Variants in NUP107 observed in about 807,000 individuals in gnomAD.
NUP107 encodes the protein nuclear pore complex protein Nup107.
Under a neutral mutation model 141.0 loss-of-function variants are expected in NUP107, and 101 were observed. The ratio of observed to expected loss-of-function variants is 0.72; its 90% CI spans 0.61 to 0.84. The LOEUF is 0.84. Ranked by LOEUF, NUP107 falls within the 40% of genes least tolerant of loss-of-function variation. The probability of loss-of-function intolerance (pLI) is 0.00; values close to 1 mark genes in which losing one functional copy is unlikely to be tolerated. For synonymous variants in NUP107, 319 were observed against 363.9 expected (o/e 0.88, Z 1.41); for missense variants, 941 against 1,102.7 (o/e 0.85, Z 2.08).
chr12:68,734,776 A>G lies in NUP107; in HGVS notation c.2331A>G (p.Ile777Met). Residue 777 changes from isoleucine (I) to methionine (M), a missense_variant, in exon 25 of 28, where the codon ATA becomes ATG. Ile to Met is a conservative substitution (Grantham distance 10). Transcript: ENST00000229179. ...MNSVPQKPAL[I>M]PQPTFTEKVA... The stretch of plus-strand genomic sequence containing the variant: ...CAGTTCCACAAAAACCTGCTTTGAT[A>G]CCTCAACCAACTTTTACTGAGAAAG... The G allele has an allele frequency of 6.2e-7, 1 of 1,613,670 alleles. No homozygotes were observed. Among genetic ancestry groups the G allele is most frequent in the Non-Finnish European group, 8.5e-7 (1 of 1,179,744 alleles).
rs1161649329 is a variant in NUP107, at chr12:68,721,892, G to T, written c.1363G>T (p.Val455Leu). The change falls in exon 16 of 28, where the codon GTG becomes TTG. Residue 455 changes from valine to leucine, a missense_variant. Val to Leu is a conservative substitution (Grantham distance 32, BLOSUM62 1). Transcript: ENST00000229179. ...AGACACAGTTTGGGCCTACTTCCGG[G>T]TGATGGTGGACAGTCTGGTAGAACA... ...WEDTVWAYFRVMVDSLVEQEI... is the reference protein window; with the variant it reads ...WEDTVWAYFRLMVDSLVEQEI... 1 of 1,614,100 alleles carries T rather than the reference G, an allele frequency of 6.2e-7. No homozygotes were observed. Among genetic ancestry groups the T allele is most frequent in the African/African-American group, 1.3e-5 (1 of 75,038 alleles).
At chr12:68,726,833 T>C (rs1592516378) in intron 19 of NUP107, among the ~76,000 whole-genome samples, 1 of 152,266 alleles carries the variant, frequency 6.6e-6, no homozygotes, top group East Asian at 1.9e-4. Context: ...GGTTAACTGG[T>C]TTTTAATAAA....
chr12:68,728,447 G>A (rs533623887), intron 20 of NUP107, among the ~76,000 whole-genome samples: 8 of 120,460 alleles, frequency 6.6e-5, no homozygotes, highest in African/African-American at 9.6e-5. Context: ...TTTTTGAGAC[G>A]GAGTCTTGCG....
intron 10 of NUP107, among the ~76,000 whole-genome samples, chr12:68,712,991 A>AATAG (rs1592506248): frequency 6.6e-6 from 1 of 152,182 alleles, no homozygotes; most frequent in East Asian, 1.9e-4. Context: ...GTAACTTGAG[A>AATAG]ATAGATAGAT....
At chr12:68,709,548 G>A (rs1367703597) in intron 9 of NUP107, among the ~76,000 whole-genome samples, 1 of 151,904 alleles carries the variant, frequency 6.6e-6, no homozygotes, top group Non-Finnish European at 1.5e-5. Context: ...TTATTCTTTT[G>A]CCATAATATT....
At chr12:68,733,669 A>G in intron 24 of NUP107, 57 bp downstream of exon 24, 1 of 1,542,084 alleles carries the variant, frequency 6.5e-7, no homozygotes, top group East Asian at 2.3e-5. Flanking sequence ...TTTCGGATTC[A>G]CTCTCAGAGT....
chr12:68,739,531 T>A (rs1417781389), intron 26 of NUP107, among the ~76,000 whole-genome samples: 1 of 152,112 alleles, frequency 6.6e-6, no homozygotes, highest in African/African-American at 2.4e-5. Flanking sequence ...GGTAATGAGT[T>A]TTTCTCACAT....
rs546991412 is a variant in NUP107 at position 68,721,188 on chromosome 12, T to C, written c.1311+11T>C. ...GGGAATCTTAAGCAGGTATGCAATC[T>C]GTTTTAATGTTTAAATTTTTTCTGT... On this transcript the variant is annotated intron_variant, in intron 15 of 27. Coordinates refer to ENST00000229179, the MANE Select transcript of NUP107 (RefSeq NM_020401.4). 1.2e-5 allele frequency: 19 copies of C among 1,575,706 alleles called. No individual in the cohort carries two copies. Among genetic ancestry groups the C allele is most frequent in the Non-Finnish European group, 1.7e-5 (19 of 1,151,506 alleles).
In NUP107 at chr12:68,700,683, A is replaced by G. The variant is rs756458816; in HGVS notation, c.553-43A>G. The G allele has an allele frequency of 1.5e-5, 21 of 1,440,466 alleles. No individual in the cohort carries two copies. The African/African-American group carries it at 2.6e-4, about 18-fold the overall frequency. 89.2% of individuals were successfully genotyped at this position (1,440,466 alleles called of 1,614,324 possible). On this transcript the variant is annotated intron_variant, in intron 6 of 27. Transcript: ENST00000229179. ...AATACAAACTTATCAGTGACTCAAA[A>G]TTGTAGAAAATTAACCTCTTTACAT...
intron 6 of NUP107, 121 bp from the exon 7 acceptor site, chr12:68,700,605 G>A: frequency 3.6e-6 from 2 of 561,796 alleles, no homozygotes; most frequent in Non-Finnish European, 2.8e-6. Flanking sequence ...AAATAGAGAA[G>A]GCAATTTTAT....
At chr12:68,690,477 A>G in intron 3 of NUP107, 154 bp from the exon 4 acceptor site, 2 of 980,818 alleles carry the variant, frequency 2.0e-6, no homozygotes, top group Non-Finnish European at 3.0e-6. Flanking sequence ...AAATCCTTGT[A>G]TCATGGAAAT....
chr12:68,702,030 C>A (rs1424908990), intron 7 of NUP107, among the ~76,000 whole-genome samples: 1 of 152,038 alleles, frequency 6.6e-6, no homozygotes, highest in Non-Finnish European at 1.5e-5. Flanking sequence ...GCTCTGTTGC[C>A]CAGGCTGGAA....
At chr12:68,740,023 T>C (rs1878257348) in intron 26 of NUP107, 1 of 152,224 alleles carries the variant, frequency 6.6e-6, no homozygotes, top group Admixed American at 6.5e-5. Flanking sequence ...GGATAGTTGC[T>C]GGCAGCCCGC....
chr12:68,716,199 C>T (rs1036586068), intron 12 of NUP107, among the ~76,000 whole-genome samples: 1 of 150,086 alleles, frequency 6.7e-6, no homozygotes, highest in Non-Finnish European at 1.5e-5. Context: ...GCCCAATCTC[C>T]ATTCATTTTT....
At position 68,713,711 on chromosome 12, in the gene NUP107, T is replaced by A. The variant is rs370809319; in HGVS notation, c.891-19T>A. 1.3e-5 allele frequency: 20 copies of A among 1,566,666 alleles called. No homozygotes were observed. The highest frequency in any genetic ancestry group is 1.7e-5 in the Non-Finnish European group (20 of 1,153,162). ...TAAAATTACCTCTTAAAAAATTTGG[T>A]ACTTATTATTTCTTTCAGGGAAAAT... On this transcript the variant is annotated intron_variant, in intron 10 of 27. Coordinates refer to ENST00000229179, the MANE Select transcript of NUP107 (RefSeq NM_020401.4).
At chr12:68,692,352 G>A (rs1056738768) in intron 5 of NUP107, among the ~76,000 whole-genome samples, 15 of 151,856 alleles carry the variant, frequency 9.9e-5, no homozygotes, top group Admixed American at 5.9e-4. Flanking sequence ...AGGCCGAGGC[G>A]GGCAGATCAC....
At chr12:68,699,634 A>C (rs2136006075) in intron 6 of NUP107, among the ~76,000 whole-genome samples, 1 of 152,346 alleles carries the variant, frequency 6.6e-6, no homozygotes, top group African/African-American at 2.4e-5. Context: ...TTTATGAAGT[A>C]CTAGTCTTAA....
Position 68,689,115 on chromosome 12 carries a change from G to A in NUP107, c.100+62G>A. 4 of 1,383,050 alleles carry A rather than the reference G, an allele frequency of 2.9e-6. No homozygotes were observed. In the South Asian group the frequency reaches 5.0e-5, roughly 17 times the overall value. 85.7% of individuals were successfully genotyped at this position (1,383,050 alleles called of 1,614,324 possible). A position where few individuals can be genotyped will look rare whatever the true frequency, so the allele number is the denominator to read the frequency against. ...TAACATGTTTGGAATCAGTGTTGTA[G>A]AATTTTCTTTTTATAAGAGTATTAA... On this transcript the variant is annotated intron_variant, in intron 2 of 27. Coordinates refer to ENST00000229179, the MANE Select transcript of NUP107 (RefSeq NM_020401.4).
At chr12:68,704,915 C>G (rs1411726452) in intron 8 of NUP107, among the ~76,000 whole-genome samples, 2 of 151,454 alleles carry the variant, frequency 1.3e-5, no homozygotes, top group Admixed American at 6.6e-5. Context: ...CATGGTCTCA[C>G]TTTGTCTCAC....
Sources: gnomAD v4.1 joint callset for allele counts (sites outside exome capture counted in the v4.1 genomes callset) on GRCh38, gnomAD v4.1.1 for gene constraint, MANE v1.5 for transcripts, NCBI Gene and HGNC (gene_info 2026-07-23, HGNC 2026-07-21) for gene names.